The following ARFGAP2 variants were observed in gnomAD, a reference collection of about 807,000 sequenced individuals.
ARFGAP2 encodes ARF GTPase activating protein 2, also known as ADP-ribosylation factor GTPase-activating protein 2.
A neutral mutation model predicts 71.9 loss-of-function variants in ARFGAP2; 45 were observed. The observed-to-expected ratio is 0.63, with a 90% CI of 0.49 to 0.80. The LOEUF (loss-of-function observed/expected upper bound fraction) is 0.80, where lower values mean the gene tolerates loss of function less well. Ranked by LOEUF, ARFGAP2 falls within the 30% of genes least tolerant of loss-of-function variation. The pLI, the probability that ARFGAP2 is intolerant of heterozygous loss-of-function variation, is 0.00. For missense variants in ARFGAP2, 633 were observed against 673.9 expected (o/e 0.94, Z 0.67); for synonymous variants, 248 against 249.2 (o/e 1.00, Z 0.05).
At chr11:47,171,034 GA>G (rs1952578808) in intron 10 of ARFGAP2, among the ~76,000 whole-genome samples, 1 of 152,114 alleles carries the variant, frequency 6.6e-6, no homozygotes, top group African/African-American at 2.4e-5. Context: ...AAATGTGGGG[GA>G]TATGTGAGGG....
intron 7 of ARFGAP2, chr11:47,173,179 C>G: frequency 1.9e-6 from 1 of 526,430 alleles, no homozygotes; most frequent in East Asian, 3.6e-5. Flanking sequence ...CTAGACCCAG[C>G]CCCACACTCA....
At chr11:47,175,795 C>T in intron 3 of ARFGAP2, 56 bp downstream of exon 3, 2 of 1,606,992 alleles carry the variant, frequency 1.2e-6, no homozygotes, top group Non-Finnish European at 1.7e-6. Context: ...GGGAGTCGTG[C>T]AAAGTTAGTA....
rs1361664282 is a variant in ARFGAP2, at chr11:47,166,871, C to T, written c.1221G>A (p.Arg407=). The change falls in exon 13 of 16, where the codon AGG becomes AGA. Residue 407 remains arginine (R), a synonymous_variant. Coordinates refer to ENST00000524782, the MANE Select transcript of ARFGAP2 (RefSeq NM_032389.6). ...GGCCTGAGCTCCGGCTCTCCACTTC[C>T]CTCCGGTTTGTGGCTCTGAGGGGAA... ...RPISERATNR[R]EVESRSSGLE... The T allele has an allele frequency of 1.2e-6, 2 of 1,613,686 alleles. No homozygotes were observed. Among genetic ancestry groups the T allele is most frequent in the Non-Finnish European group, 1.7e-6 (2 of 1,179,994 alleles).
In ARFGAP2 at chr11:47,175,880, A is replaced by T; in HGVS notation, c.235T>A (p.Cys79Ser). The T allele has an allele frequency of 3.7e-6, 6 of 1,614,050 alleles. No individual in the cohort carries two copies. The highest frequency in any genetic ancestry group is 5.1e-6 in the Non-Finnish European group (6 of 1,180,010). Reference protein sequence around the residue: ...DSNWNWFQLRCMQVGGNANAT... With the variant: ...DSNWNWFQLRSMQVGGNANAT... Reference sequence around the variant, plus strand: ...TTGGCATTCCCGCCGACCTGCATACACCTCAGCTGGAACCAGTTCCAGTTG... The same window carrying T: ...TTGGCATTCCCGCCGACCTGCATACTCCTCAGCTGGAACCAGTTCCAGTTG... Residue 79 changes from cysteine (C) to serine (S), a missense_variant, in exon 3 of 16, where the codon TGT becomes AGT. Cys to Ser is a moderately radical substitution (Grantham distance 112). Transcript: ENST00000524782.
intron 5 of ARFGAP2, 60 bp downstream of exon 5, chr11:47,174,955 G>A (rs559344539): frequency 1.3e-6 from 2 of 1,549,400 alleles, no homozygotes; most frequent in East Asian, 4.5e-5. Context: ...CAGAAGGCCT[G>A]GGCCTTGGTA....
In ARFGAP2 at chr11:47,172,315, A is replaced by G. The variant is rs369493716; in HGVS notation, c.638T>C (p.Ile213Thr). The G allele has an allele frequency of 2.4e-5, 38 of 1,614,028 alleles. No individual in the cohort carries two copies. In the African/African-American group the frequency reaches 2.7e-4, roughly 11 times the overall value. Reference sequence around the variant, plus strand: ...AGCTGCTGCTGGCTTCTTCTTGCCAATGATGGAGCTTTTCAGTTCTGCGTG... The same window carrying G: ...AGCTGCTGCTGGCTTCTTCTTGCCAGTGATGGAGCTTTTCAGTTCTGCGTG... Reference protein sequence around the residue: ...KASLELKSSIIGKKKPAAAKK... With the variant: ...KASLELKSSITGKKKPAAAKK... Residue 213 changes from isoleucine (I) to threonine (T), a missense_variant, in exon 8 of 16, where the codon ATT (isoleucine) becomes ACT (threonine). Ile to Thr is a moderately conservative substitution (Grantham distance 89). Coordinates refer to ENST00000524782, the MANE Select transcript of ARFGAP2 (RefSeq NM_032389.6).
chr11:47,174,823 G>A (rs1952734939), intron 5 of ARFGAP2, 192 bp downstream of exon 5: 9 of 657,926 alleles, frequency 1.4e-5, no homozygotes, highest in South Asian at 1.3e-4. Context: ...TCTAAGGAGG[G>A]CTACACTGCA....
rs1487283469 is a variant in ARFGAP2 at position 47,172,636 on chromosome 11, G to GTGAGCA, written c.620-309_620-304dup. On this transcript the variant is annotated intron_variant, in intron 7 of 15. Coordinates refer to ENST00000524782, the MANE Select transcript of ARFGAP2 (RefSeq NM_032389.6). ...AAGACTGCGAGGCAGGGAGCATATG[G>GTGAGCA]TGAGCACCAGGCTCCGCTTCTAAAG... is the stretch of plus-strand genomic sequence containing the variant. The GTGAGCA allele has an allele frequency of 2.3e-6, 3 of 1,328,538 alleles. No individual in the cohort carries two copies. The East Asian group carries it at 1.3e-4, about 55-fold the overall frequency. 82.3% of individuals were successfully genotyped at this position (1,328,538 alleles called of 1,614,324 possible). A position where few individuals can be genotyped will look rare whatever the true frequency, so the allele number is the denominator to read the frequency against.
intron 10 of ARFGAP2, among the ~76,000 whole-genome samples, chr11:47,170,103 T>A (rs1365636605): frequency 1.3e-5 from 2 of 152,090 alleles, no homozygotes; most frequent in African/African-American, 4.8e-5. Context: ...GGCGGGCAGA[T>A]CATTTGAAGC....
Position 47,165,148 on chromosome 11 carries a change from T to C in ARFGAP2, c.*334A>G, listed in dbSNP as rs1053162949. On this transcript the variant is annotated 3_prime_UTR_variant, in exon 16 of 16. Transcript: ENST00000524782. ...CCGCTTTCCCTACCTGGGGAAAGTCTGGACCCAGAATAAGCCATCGTGGGG... is the reference window on the plus strand; with the variant it reads ...CCGCTTTCCCTACCTGGGGAAAGTCCGGACCCAGAATAAGCCATCGTGGGG... The C allele has an allele frequency of 5.3e-5, 18 of 339,334 alleles. No homozygotes were observed. In the Middle Eastern group the frequency reaches 2.2e-3, roughly 42 times the overall value. The allele number at this position is 339,334 out of a possible 1,614,324, so 21.0% of individuals were successfully genotyped here.
At position 47,165,499 on chromosome 11, in the gene ARFGAP2, G is replaced by A. The variant is rs11542794; in HGVS notation, c.1549C>T (p.Arg517Cys). The A allele has an allele frequency of 1.3e-6, 2 of 1,563,344 alleles. No individual in the cohort carries two copies. The highest frequency in any genetic ancestry group is 8.6e-7 in the Non-Finnish European group (1 of 1,156,292). ...ANGVMNSLQD[R>C]YGSY The stretch of plus-strand genomic sequence containing the variant: ...AGCTCGGATCAGTAGGAACCGTAGC[G>A]ATCCTGGGGGCGAGGGGGGAGAAAA... Residue 517 changes from arginine to cysteine, a missense_variant, in exon 16 of 16, where the codon CGC (arginine) becomes TGC (cysteine). By Grantham distance (180) the Arg-to-Cys change is radical (BLOSUM62 -3). Coordinates refer to ENST00000524782, the MANE Select transcript of ARFGAP2 (RefSeq NM_032389.6).
intron 7 of ARFGAP2, 41 bp from the exon 8 acceptor site, chr11:47,172,374 G>C: frequency 6.2e-7 from 1 of 1,607,394 alleles, no homozygotes; most frequent in Non-Finnish European, 8.5e-7. Context: ...GACAAAGGCA[G>C]CTCAGAGGCA....
Position 47,166,613 on chromosome 11 carries a change from AAGGCC to A in ARFGAP2, c.1333-19_1333-15del. On this transcript the variant is annotated splice_polypyrimidine_tract_variant and intron_variant, in intron 13 of 15. Transcript: ENST00000524782. ...CCTGGCCTCATACTGTGGTGAGGAA[AAGGCC>A]AGGCCTGGGGATCTTGGGGCTGATG... is the stretch of plus-strand genomic sequence containing the variant. 6.8e-6 allele frequency: 11 copies of A among 1,611,014 alleles called. No individual in the cohort carries two copies. Among genetic ancestry groups the A allele is most frequent in the Non-Finnish European group, 9.3e-6 (11 of 1,179,706 alleles).
intron 3 of ARFGAP2, 42 bp from the exon 4 acceptor site, chr11:47,175,355 C>G: frequency 4.3e-6 from 7 of 1,613,464 alleles, no homozygotes; most frequent in Non-Finnish European, 5.9e-6. Context: ...ACGGGTGATT[C>G]TCAAGAAGGA....
chr11:47,175,747 G>A, intron 3 of ARFGAP2, 104 bp downstream of exon 3: 1 of 1,334,748 alleles, frequency 7.5e-7, no homozygotes, highest in Non-Finnish European at 1.1e-6. Flanking sequence ...TTATAGAACA[G>A]AGAACCCTCT....
intron 10 of ARFGAP2, among the ~76,000 whole-genome samples, chr11:47,170,637 A>C (rs1225582606): frequency 6.6e-6 from 1 of 152,172 alleles, no homozygotes; most frequent in Non-Finnish European, 1.5e-5. Flanking sequence ...ACAGAGTGAG[A>C]CTTTGTCTCA....
At chr11:47,167,067 G>A (rs1055947910) in intron 12 of ARFGAP2, among the ~76,000 whole-genome samples, 181 bp from the exon 13 acceptor site, 2 of 152,188 alleles carry the variant, frequency 1.3e-5, no homozygotes, top group Non-Finnish European at 2.9e-5. Context: ...TCCACATTGA[G>A]GCCAAGGCCC....
intron 7 of ARFGAP2, chr11:47,173,138 C>T: frequency 2.2e-6 from 1 of 463,098 alleles, no homozygotes. Context: ...GATAGGTGTC[C>T]AGTCTCATGC....
At position 47,165,520 on chromosome 11, in the gene ARFGAP2, GAAA is replaced by G. The variant is rs377653037; in HGVS notation, c.1546-21_1546-19del. ...TAGCGATCCTGGGGGCGAGGGGGGA[GAAA>G]AAAAAAAAAAAAGTCAGAGGCTCTA... On this transcript the variant is annotated intron_variant, in intron 15 of 15. Transcript: ENST00000524782. 1.0e-3 allele frequency: 1,405 copies of G among 1,397,692 alleles called. 1 individual carries two copies. The highest frequency in any genetic ancestry group is 3.1e-3 in the South Asian group (214 of 68,670). 86.6% of individuals were successfully genotyped at this position (1,397,692 alleles called of 1,614,324 possible).
Sources: gnomAD v4.1 joint callset for allele counts (sites outside exome capture counted in the v4.1 genomes callset) on GRCh38, gnomAD v4.1.1 for gene constraint, MANE v1.5 for transcripts, NCBI Gene and HGNC (gene_info 2026-07-23, HGNC 2026-07-21) for gene names.